Variants in PPP1R10 observed in about 807,000 individuals in gnomAD.
The protein encoded by PPP1R10 is protein phosphatase 1 regulatory subunit 10, also known as serine/threonine-protein phosphatase 1 regulatory subunit 10.
A neutral mutation model predicts 99.0 loss-of-function variants in PPP1R10; 15 were observed. The observed-to-expected ratio is 0.15, with a 90% confidence interval of 0.10 to 0.23. PPP1R10 has a LOEUF of 0.23. Ranked by LOEUF, PPP1R10 falls within the 10% of genes least tolerant of loss-of-function variation. The pLI is 1.00. For synonymous variants in PPP1R10, 430 were observed against 449.5 expected, an observed-to-expected ratio of 0.96 and a Z score of 0.55; for missense variants, 947 against 1,259.4, an observed-to-expected ratio of 0.75 and a Z score of 3.75.
At chr6:30,605,868 A>G in intron 10 of PPP1R10, 55 bp downstream of exon 10, 4 of 1,527,544 alleles carry the variant, frequency 2.6e-6, no homozygotes, top group Non-Finnish European at 3.6e-6. Flanking sequence ...TCCAAAAAAA[A>G]AAAAAAAAAA....
At position 30,604,500 on chromosome 6, in the gene PPP1R10, G is replaced by C; in HGVS notation, c.1114C>G (p.Pro372Ala). 1 of 1,613,018 alleles carries C rather than the reference G, an allele frequency of 6.2e-7. No individual in the cohort carries two copies. The highest frequency in any genetic ancestry group is 8.5e-7 in the Non-Finnish European group (1 of 1,180,030). The change falls in exon 13 of 20, where the codon CCA becomes GCA. Residue 372 changes from proline (P) to alanine (A), a missense_variant. Transcript: ENST00000376511. The surrounding 1 kb of genome is among the most constrained non-coding windows in gnomAD (Gnocchi z 7.3). Reference protein sequence around the residue: ...PELMDTASLEPGALDAKPVES... With the variant: ...PELMDTASLEAGALDAKPVES... ...ACTGGCTTGGCATCCAGAGCTCCTG[G>C]CTCCAAAGAGGCTGGAAGCAGAAGA...
rs375545759 is a variant in PPP1R10 at position 30,602,984 on chromosome 6, C to G, written c.1844-25G>C. On this transcript the variant is annotated intron_variant, in intron 17 of 19. Transcript: ENST00000376511. This position sits in a 1 kb window ranked among gnomAD's most constrained non-coding sequence, Gnocchi z 6.7. ...ACTGTTAATGAAAACAAGAGTAACA[C>G]AGCATGAGCACTCTAGAAGACTAGC... The G allele has an allele frequency of 1.7e-4, 251 of 1,513,244 alleles. 8 individuals are homozygous for G. The highest frequency in any genetic ancestry group is 9.3e-4 in the East Asian group (38 of 40,826). 93.7% of individuals were successfully genotyped at this position (1,513,244 alleles called of 1,614,324 possible).
In PPP1R10 at chr6:30,605,988, T is replaced by C; in HGVS notation, c.788A>G (p.Tyr263Cys). ...ATTAGGTGTTGTGTTGAGTGGCTTG[T>C]ATTTCTTCTCTGCAGGGGGAGTGGC... ...GDATPPAEKK[Y>C]KPLNTTPNAT... Residue 263 changes from tyrosine (Y) to cysteine (C), a missense_variant, in exon 10 of 20, where the codon TAC becomes TGC. Coordinates refer to ENST00000376511, the MANE Select transcript of PPP1R10 (RefSeq NM_002714.4). 1.9e-6 allele frequency: 3 copies of C among 1,614,128 alleles called. No homozygotes were observed. The highest frequency in any genetic ancestry group is 2.5e-6 in the Non-Finnish European group (3 of 1,180,000).
intron 19 of PPP1R10, 25 bp downstream of exon 19, chr6:30,601,911 T>C (rs2127434817): frequency 1.3e-6 from 2 of 1,488,528 alleles, no homozygotes; most frequent in Middle Eastern, 1.8e-4. Flanking sequence ...CCAAAAGGCA[T>C]ATGGGGGACA....
intron 2 of PPP1R10, among the ~76,000 whole-genome samples, chr6:30,612,308 CT>C (rs1369806592): frequency 6.6e-6 from 1 of 152,148 alleles, no homozygotes; most frequent in Non-Finnish European, 1.5e-5. Flanking sequence ...AATAGACCTA[CT>C]ACCCCTATTT....
intron 2 of PPP1R10, among the ~76,000 whole-genome samples, chr6:30,614,912 G>A (rs1380001381): frequency 6.6e-6 from 1 of 152,222 alleles, no homozygotes; most frequent in African/African-American, 2.4e-5. Flanking sequence ...ATCCCTTTAA[G>A]ATATTTTATA....
Position 30,609,805 on chromosome 6 carries a change from T to G in PPP1R10, c.107+33A>C, listed in dbSNP as rs758422790. On this transcript the variant is annotated intron_variant, in intron 3 of 19. Coordinates refer to ENST00000376511, the MANE Select transcript of PPP1R10 (RefSeq NM_002714.4). This position sits in a 1 kb window ranked among gnomAD's most constrained non-coding sequence, Gnocchi z 4.5. ...TGTTTTAACACACAATATTCTCTAC[T>G]CACAGTGAATACAAAAAGGGGTAAA... The G allele has an allele frequency of 6.5e-6, 10 of 1,532,958 alleles. No individual in the cohort carries two copies. The highest frequency in any genetic ancestry group is 9.0e-6 in the Non-Finnish European group (10 of 1,106,194). The allele number at this position is 1,532,958 out of a possible 1,614,324, so 95.0% of individuals were successfully genotyped here. A position where few individuals can be genotyped will look rare whatever the true frequency, so the allele number is the denominator to read the frequency against.
Position 30,602,270 on chromosome 6 carries a change from C to T in PPP1R10, c.2379G>A (p.Gly793=). ...CTTCGTGGGGACGATGTCCTCCACCCCCACCCATGCTACCACCAGGGCCTT... is the reference window on the plus strand; with the variant it reads ...CTTCGTGGGGACGATGTCCTCCACCTCCACCCATGCTACCACCAGGGCCTT... ...PHEGPGGSMG[G]GGGHRPHEGP... is the part of the protein sequence containing the mutation. Residue 793 remains glycine, a synonymous_variant, in exon 19 of 20, where the codon GGG becomes GGA. Coordinates refer to ENST00000376511, the MANE Select transcript of PPP1R10 (RefSeq NM_002714.4). This position sits in a 1 kb window ranked among gnomAD's most constrained non-coding sequence, Gnocchi z 6.7. The T allele has an allele frequency of 6.2e-7, 1 of 1,611,456 alleles. No homozygotes were observed.
intron 5 of PPP1R10, 72 bp from the exon 6 acceptor site, chr6:30,607,963 A>G: frequency 1.4e-6 from 2 of 1,447,474 alleles, no homozygotes; most frequent in Non-Finnish European, 1.9e-6. Flanking sequence ...TAAAAACGAC[A>G]AAAGTTACAG....
chr6:30,602,395 G>A lies in PPP1R10; in HGVS notation c.2254C>T (p.Arg752Cys), dbSNP rs771196483. ...CCCCCACCAGGGCCTTCGTGAGGAC[G>A]ATGCCCACCACCTCCAACCATGCCC... is the stretch of plus-strand genomic sequence containing the variant. The part of the protein sequence containing the change: ...GGGMVGGGGH[R>C]PHEGPGGGMG... Residue 752 changes from arginine (R) to cysteine (C), a missense_variant, in exon 19 of 20, where the codon CGT becomes TGT. Transcript: ENST00000376511. This position sits in a 1 kb window ranked among gnomAD's most constrained non-coding sequence, Gnocchi z 6.7. 24 of 1,611,142 alleles carry A rather than the reference G, an allele frequency of 1.5e-5. No individual in the cohort carries two copies. Among genetic ancestry groups the A allele is most frequent in the African/African-American group, 9.4e-5 (7 of 74,318 alleles).
chr6:30,608,809 A>G lies in PPP1R10; in HGVS notation c.300T>C (p.His100=). The G allele has an allele frequency of 1.2e-6, 2 of 1,614,156 alleles. No individual in the cohort carries two copies. Among genetic ancestry groups the G allele is most frequent in the Non-Finnish European group, 1.7e-6 (2 of 1,179,998 alleles). The change falls in exon 5 of 20, where the codon CAT becomes CAC. Residue 100 remains histidine (H), a synonymous_variant. Coordinates refer to ENST00000376511, the MANE Select transcript of PPP1R10 (RefSeq NM_002714.4). Reference sequence around the variant, plus strand: ...TGAGATGGTCTACAGTGAGCGGTAGATGCTGCAGGGTCAGTAGAATTTGCT... The same window carrying G: ...TGAGATGGTCTACAGTGAGCGGTAGGTGCTGCAGGGTCAGTAGAATTTGCT... The part of the protein sequence containing the change: ...LLQQILLTLQ[H]LPLTVDHLKQ...
intron 19 of PPP1R10, 89 bp downstream of exon 19, chr6:30,601,821 AAGAGACGGGTACCTCACGTTCTGCCT>A: frequency 7.3e-7 from 1 of 1,373,266 alleles, no homozygotes; most frequent in Non-Finnish European, 9.7e-7. Context: ...TAGGACATCA[AAGAGACGGGTACCTCACGTTCTGCCT>A]AGCTACCAAC....
chr6:30,612,456 A>G (rs1804654445), intron 2 of PPP1R10, among the ~76,000 whole-genome samples: 1 of 152,348 alleles, frequency 6.6e-6, no homozygotes, highest in Non-Finnish European at 1.5e-5. Context: ...TCTGCTGGAA[A>G]TGGGATCCAG....
At chr6:30,613,008 G>A (rs1331219752) in intron 2 of PPP1R10, among the ~76,000 whole-genome samples, 1 of 152,174 alleles carries the variant, frequency 6.6e-6, no homozygotes, top group Admixed American at 6.5e-5. Context: ...ACATACAGAA[G>A]GTGGGGAGTG....
At chr6:30,603,987 C>A (rs1316534437) in intron 14 of PPP1R10, 21 bp downstream of exon 14, 2 of 1,562,356 alleles carry the variant, frequency 1.3e-6, no homozygotes, top group South Asian at 1.2e-5. Flanking sequence ...CATCCCAGGG[C>A]ACGAACCCCA....
chr6:30,606,314 C>A lies in PPP1R10; in HGVS notation c.635-71G>T. The stretch of plus-strand genomic sequence containing the variant: ...CCCCCGAATTTTCCTCCCGTTCTCA[C>A]CCGCAAATGTTCTTCTAGCCTTGTA... On this transcript the variant is annotated intron_variant, in intron 8 of 19. Coordinates refer to ENST00000376511, the MANE Select transcript of PPP1R10 (RefSeq NM_002714.4). The surrounding 1 kb of genome is among the most constrained non-coding windows in gnomAD (Gnocchi z 6.3). 6.3e-7 allele frequency: 1 copy of A among 1,581,230 alleles called. No individual in the cohort carries two copies. The highest frequency in any genetic ancestry group is 8.6e-7 in the Non-Finnish European group (1 of 1,156,564).
chr6:30,601,909 C>T (rs1214318737), intron 19 of PPP1R10, 27 bp downstream of exon 19: 4 of 1,485,762 alleles, frequency 2.7e-6, no homozygotes, highest in East Asian at 2.3e-5. Flanking sequence ...AACCAAAAGG[C>T]ATATGGGGGA....
At chr6:30,610,048 T>C (rs561291598) in intron 2 of PPP1R10, 93 bp from the exon 3 acceptor site, 3 of 780,052 alleles carry the variant, frequency 3.8e-6, no homozygotes, top group East Asian at 2.5e-5. Flanking sequence ...ATCTCTATAT[T>C]TGACAAAGTA....
At chr6:30,608,044 A>G (rs1804139792) in intron 5 of PPP1R10, among the ~76,000 whole-genome samples, 153 bp from the exon 6 acceptor site, 1 of 149,676 alleles carries the variant, frequency 6.7e-6, no homozygotes, top group Admixed American at 6.7e-5. Context: ...GCTAGAGTGC[A>G]GTGGCGCAGT....
Sources: allele counts gnomAD v4.1 joint callset (sites outside exome capture counted in the v4.1 genomes callset), GRCh38; gene constraint gnomAD v4.1.1; non-coding constraint Gnocchi (gnomAD v3.1); transcripts MANE v1.5; gene names NCBI Gene and HGNC (gene_info 2026-07-23, HGNC 2026-07-21).